The following SRRT variants were observed in gnomAD, a reference collection of about 807,000 sequenced individuals.
The protein encoded by SRRT is serrate, RNA effector molecule, also known as serrate RNA effector molecule homolog.
In SRRT, 32 loss-of-function variants were observed where a neutral mutation model predicts 103.2. The observed-to-expected ratio is 0.31, with a 90% CI of 0.23 to 0.42. SRRT has a LOEUF of 0.42. SRRT is among the 10% of genes least tolerant of loss of function. The pLI, the probability that SRRT is intolerant of heterozygous loss-of-function variation, is 1.00. For missense variants in SRRT, 986 were observed against 1,207.5 expected (o/e 0.82, Z 2.72); for synonymous variants, 525 against 449.0 (o/e 1.17, Z -2.14).
chr7:100,877,193 C>T lies in SRRT; in HGVS notation c.122+1481C>T, dbSNP rs182238777. Among the ~76,000 whole-genome samples the T allele has an allele frequency of 9.0e-4, 136 of 151,242 alleles. 2 individuals are homozygous for T. The highest frequency in any genetic ancestry group is 6.3e-3 in the South Asian group (30 of 4,784). On this transcript the variant is annotated intron_variant, in intron 2 of 19. Coordinates refer to ENST00000611405, the MANE Select transcript of SRRT (RefSeq NM_015908.6). ...ATCCCAGCACTTTGGGAGGCCGAGACGGGCAGATCACGAGATCGAGAGATT... is the reference window on the plus strand; with the variant it reads ...ATCCCAGCACTTTGGGAGGCCGAGATGGGCAGATCACGAGATCGAGAGATT...
chr7:100,886,500 G>C, intron 13 of SRRT, 65 bp downstream of exon 13: 1 of 1,484,204 alleles, frequency 6.7e-7, no homozygotes, highest in South Asian at 1.3e-5. Flanking sequence ...GGGCACCTCT[G>C]ACCTTACCTA....
intron 13 of SRRT, 104 bp downstream of exon 13, chr7:100,886,539 C>G: frequency 1.6e-6 from 2 of 1,238,580 alleles, no homozygotes; most frequent in Non-Finnish European, 2.2e-6. Context: ...TGCACCCACT[C>G]GCCTGCTCAC....
chr7:100,882,746 G>A lies in SRRT; in HGVS notation c.587+505G>A, dbSNP rs1234311008. On this transcript the variant is annotated intron_variant, in intron 5 of 19. Coordinates refer to ENST00000611405, the MANE Select transcript of SRRT (RefSeq NM_015908.6). The surrounding 1 kb of genome is among the most constrained non-coding windows in gnomAD (Gnocchi z 4.2). ...TCCTCCTCCTCCTCATCCTCTTTCT[G>A]CTCCTCCTCCTTGAAAAGAGCCAGA... is the stretch of plus-strand genomic sequence containing the variant. 1 of 151,574 alleles carries A rather than the reference G, an allele frequency of 6.6e-6. No homozygotes were observed. The highest frequency in any genetic ancestry group is 1.5e-5 in the Non-Finnish European group (1 of 68,390). The allele number at this position is 151,574 out of a possible 1,614,324, so 9.4% of individuals were successfully genotyped here. A position where few individuals can be genotyped will look rare whatever the true frequency, so the allele number is the denominator to read the frequency against.
rs755711164 is a variant in SRRT at position 100,888,311 on chromosome 7, C to T, written c.2483C>T (p.Pro828Leu). 1.2e-5 allele frequency: 19 copies of T among 1,614,056 alleles called. No homozygotes were observed. Among genetic ancestry groups the T allele is most frequent in the East Asian group, 2.2e-5 (1 of 44,882 alleles). ...GGAGGCCCTCCATACCCCCATGCCC[C>T]GTATGGTGCTGGTCGAGGGAACTAT... Reference protein sequence around the residue: ...PTGGPPYPHAPYGAGRGNYDA... With the variant: ...PTGGPPYPHALYGAGRGNYDA... The change falls in exon 19 of 20, where the codon CCG becomes CTG. Residue 828 changes from proline (P) to leucine (L), a missense_variant. Pro to Leu is a moderately conservative substitution (Grantham distance 98, BLOSUM62 -3). Around this residue, in one of 6 missense-constraint regions of SRRT, gnomAD observed 178 missense variants for 189.6 expected, o/e 0.94. Transcript: ENST00000611405.
In SRRT at chr7:100,888,160, G is replaced by A. The variant is rs764297474; in HGVS notation, c.2428+17G>A. 2 of 1,605,854 alleles carry A rather than the reference G, an allele frequency of 1.2e-6. No individual in the cohort carries two copies. Among genetic ancestry groups the A allele is most frequent in the East Asian group, 4.5e-5 (2 of 44,860 alleles). On this transcript the variant is annotated intron_variant, in intron 18 of 19. Coordinates refer to ENST00000611405, the MANE Select transcript of SRRT (RefSeq NM_015908.6). ...GCTATGGAGGTAAGTACAGGAGGGA[G>A]ATGAAGGGGCTTGGTGAGTGTGTGG...
chr7:100,886,991 C>A (rs773031523), intron 14 of SRRT, 23 bp downstream of exon 14: 2 of 1,609,580 alleles, frequency 1.2e-6, no homozygotes, highest in Non-Finnish European at 1.7e-6. Context: ...GCGCGGGGCA[C>A]GTGGGGGCTC....
In SRRT at chr7:100,886,930, GC is replaced by G; in HGVS notation, c.1784del (p.Ala595GlufsTer11). 6.2e-7 allele frequency: 1 copy of G among 1,613,350 alleles called. No individual in the cohort carries two copies. The highest frequency in any genetic ancestry group is 8.5e-7 in the Non-Finnish European group (1 of 1,179,644). ...PEEPPKEGNP[A>X]EINVERDEKL... ...GGAGCCTCCTAAGGAAGGGAACCCGGCAGAGATCAACGTGGAGCGGGATGAG... is the reference window on the plus strand; with the variant it reads ...GGAGCCTCCTAAGGAAGGGAACCCGGAGAGATCAACGTGGAGCGGGATGAG... On this transcript the variant is annotated frameshift_variant, in exon 14 of 20. Coordinates refer to ENST00000611405, the MANE Select transcript of SRRT (RefSeq NM_015908.6). LOFTEE classifies it high-confidence loss of function.
At chr7:100,881,174 C>T in intron 2 of SRRT, 111 bp from the exon 3 acceptor site, 1 of 1,236,016 alleles carries the variant, frequency 8.1e-7, no homozygotes, top group Non-Finnish European at 1.1e-6. Flanking sequence ...CCAGGTTGGT[C>T]TCGAACTCCT....
At position 100,875,215 on chromosome 7, in the gene SRRT, A is replaced by G. The variant is rs1262405720; in HGVS notation, c.-132A>G. 2.2e-5 allele frequency: 6 copies of G among 275,788 alleles called. No individual in the cohort carries two copies. Among genetic ancestry groups the G allele is most frequent in the African/African-American group, 1.1e-4 (5 of 43,608 alleles). 17.1% of individuals were successfully genotyped at this position (275,788 alleles called of 1,614,324 possible). On this transcript the variant is annotated 5_prime_UTR_variant, in exon 1 of 20. Coordinates refer to ENST00000611405, the MANE Select transcript of SRRT (RefSeq NM_015908.6). Reference sequence around the variant, plus strand: ...TCGCCTCTCTTCGGCCCTCTACTCAAGAGCTCCGTCTCCGTCTCGCCCTCC... The same window carrying G: ...TCGCCTCTCTTCGGCCCTCTACTCAGGAGCTCCGTCTCCGTCTCGCCCTCC...
intron 2 of SRRT, among the ~76,000 whole-genome samples, chr7:100,877,577 A>C (rs1815870115): frequency 6.6e-6 from 1 of 151,360 alleles, no homozygotes; most frequent in South Asian, 2.1e-4. Context: ...GCTGGAGTGC[A>C]GTGGGGCGAT....
chr7:100,876,147 T>C (rs1458685285), intron 2 of SRRT, among the ~76,000 whole-genome samples: 1 of 152,164 alleles, frequency 6.6e-6, no homozygotes, highest in African/African-American at 2.4e-5. Context: ...CGCCTAACTT[T>C]TAAAAATTAT....
Position 100,886,353 on chromosome 7 carries a change from A to T in SRRT, c.1565A>T (p.Lys522Met). 6.2e-7 allele frequency: 1 copy of T among 1,613,868 alleles called. No individual in the cohort carries two copies. The highest frequency in any genetic ancestry group is 8.5e-7 in the Non-Finnish European group (1 of 1,180,026). Reference protein sequence around the residue: ...QHKQIVRNDIKLAAKLIHTLD... With the variant: ...QHKQIVRNDIMLAAKLIHTLD... The stretch of plus-strand genomic sequence containing the variant: ...AAGCAGATTGTGCGCAACGACATCA[A>T]GCTGGCGGCCAAGCTGATCCACACG... The change falls in exon 13 of 20, where the codon AAG (lysine) becomes ATG (methionine). Residue 522 changes from lysine (K) to methionine (M), a missense_variant. Around this residue, in one of 6 missense-constraint regions of SRRT, gnomAD observed 349 missense variants for 446.9 expected, o/e 0.78. Coordinates refer to ENST00000611405, the MANE Select transcript of SRRT (RefSeq NM_015908.6).
chr7:100,880,637 G>C, intron 2 of SRRT: 1 of 371,540 alleles, frequency 2.7e-6, no homozygotes, highest in South Asian at 1.9e-5. Context: ...CTGAATTTGA[G>C]GGGGTGATGG....
rs778859559 is a variant in SRRT, at chr7:100,885,673, T to C, written c.1318-28T>C. The C allele has an allele frequency of 1.9e-5, 31 of 1,591,528 alleles. No individual in the cohort carries two copies. Among genetic ancestry groups the C allele is most frequent in the African/African-American group, 2.7e-5 (2 of 74,318 alleles). On this transcript the variant is annotated intron_variant, in intron 10 of 19. Coordinates refer to ENST00000611405, the MANE Select transcript of SRRT (RefSeq NM_015908.6). The surrounding 1 kb of genome is among the most constrained non-coding windows in gnomAD (Gnocchi z 4.8). ...AGAAGCGAATGAATCCTTGAGTCAC[T>C]GTGGGGCTGCTTTTCTGCTTCTTGC...
chr7:100,888,220 A>G, intron 18 of SRRT, 37 bp from the exon 19 acceptor site: 2 of 1,601,342 alleles, frequency 1.2e-6, no homozygotes, highest in Non-Finnish European at 1.7e-6. Context: ...GGAATTGAGG[A>G]CATAGTTTTG....
chr7:100,878,781 G>A (rs1035378356), intron 2 of SRRT, among the ~76,000 whole-genome samples: 1 of 151,916 alleles, frequency 6.6e-6, no homozygotes, highest in African/African-American at 2.4e-5. Context: ...GATCACTGCA[G>A]CCTTGACTTC....
rs1039361354 is a variant in SRRT at position 100,886,005 on chromosome 7, G to A, written c.1458+64G>A. 3.2e-6 allele frequency: 5 copies of A among 1,552,576 alleles called. No homozygotes were observed. In the African/African-American group the frequency reaches 5.4e-5, roughly 17 times the overall value. On this transcript the variant is annotated intron_variant, in intron 12 of 19. Coordinates refer to ENST00000611405, the MANE Select transcript of SRRT (RefSeq NM_015908.6). ...AGACTCTGTGCCACACGGGACCTCT[G>A]TGTGACTTTGTTCATCTGATAGTTT...
At chr7:100,881,129 G>A (rs533929209) in intron 2 of SRRT, among the ~76,000 whole-genome samples, 156 bp from the exon 3 acceptor site, 1 of 147,488 alleles carries the variant, frequency 6.8e-6, no homozygotes, top group South Asian at 2.2e-4. Context: ...TTTTTTGTAG[G>A]GATGGCGGGG....
At position 100,886,779 on chromosome 7, in the gene SRRT, C is replaced by T. The variant is rs535663679; in HGVS notation, c.1648-16C>T. 1.9e-6 allele frequency: 3 copies of T among 1,613,884 alleles called. No homozygotes were observed. The highest frequency in any genetic ancestry group is 1.7e-6 in the Non-Finnish European group (2 of 1,179,912). ...AAGGTCTTCTCTGCCTTACTTGCTTCTCTTCCTCCCATCAGAGCCTGCCCT... is the reference window on the plus strand; with the variant it reads ...AAGGTCTTCTCTGCCTTACTTGCTTTTCTTCCTCCCATCAGAGCCTGCCCT... On this transcript the variant is annotated splice_polypyrimidine_tract_variant and intron_variant, in intron 13 of 19. Transcript: ENST00000611405.
Sources: gnomAD v4.1 joint callset for allele counts (sites outside exome capture counted in the v4.1 genomes callset) on GRCh38, gnomAD v4.1.1 for gene constraint, gnomAD v4.1.1 regional missense constraint, Gnocchi (gnomAD v3.1) non-coding constraint, MANE v1.5 for transcripts, NCBI Gene and HGNC (gene_info 2026-07-23, HGNC 2026-07-21) for gene names.